Variants in SORCS1 observed in about 807,000 individuals in gnomAD.
SORCS1 encodes the protein VPS10 domain-containing receptor SorCS1.
Under a neutral mutation model 146.1 loss-of-function variants are expected in SORCS1, and 60 were observed. The observed-to-expected ratio is 0.41, with a 90% CI of 0.33 to 0.51. The LOEUF (loss-of-function observed/expected upper bound fraction) is 0.51, where lower values mean the gene tolerates loss of function less well. Ranked by LOEUF, SORCS1 falls within the 20% of genes least tolerant of loss-of-function variation. The probability of loss-of-function intolerance (pLI) is 0.21; values close to 1 mark genes in which losing one functional copy is unlikely to be tolerated. For synonymous variants in SORCS1, 637 were observed against 584.0 expected (o/e 1.09, Z -1.31); for missense variants, 1,352 against 1,487.6 (o/e 0.91, Z 1.50).
intron 21 of SORCS1, among the ~76,000 whole-genome samples, chr10:106,617,222 C>T (rs556415884): frequency 1.3e-5 from 2 of 151,916 alleles, no homozygotes; most frequent in African/African-American, 2.4e-5. Flanking sequence ...CCCAGTGCTG[C>T]GATTACAGAA....
intron 23 of SORCS1, among the ~76,000 whole-genome samples, chr10:106,606,424 T>C (rs545742313): frequency 6.6e-6 from 1 of 152,158 alleles, no homozygotes; most frequent in African/African-American, 2.4e-5. Context: ...ACAAATTAGA[T>C]CATCAAAGGA....
chr10:107,169,531 C>T (rs889825261), upstream of SORCS1, among the ~76,000 whole-genome samples: 9 of 152,186 alleles, frequency 5.9e-5, no homozygotes, highest in South Asian at 4.1e-4. Flanking sequence ...CTACCTAACT[C>T]ATAAGGATGT....
chr10:106,828,808 A>T (rs1405783404), intron 3 of SORCS1, among the ~76,000 whole-genome samples: 1 of 152,228 alleles, frequency 6.6e-6, no homozygotes, highest in Non-Finnish European at 1.5e-5. Flanking sequence ...TTCCTAAAAA[A>T]TGACATACCT....
intron 18 of SORCS1, among the ~76,000 whole-genome samples, chr10:106,651,543 A>T (rs1849864853): frequency 6.6e-6 from 1 of 152,204 alleles, no homozygotes; most frequent in Non-Finnish European, 1.5e-5. Context: ...CAGCAGAGGA[A>T]GTTGGAAGTC....
intron 1 of SORCS1, among the ~76,000 whole-genome samples, chr10:107,059,091 G>T (rs1960922842): frequency 6.6e-6 from 1 of 152,040 alleles, no homozygotes; most frequent in Admixed American, 6.6e-5. Flanking sequence ...TTGTTTCTAT[G>T]ATTAGTGTTC....
rs1955193891 is a variant in SORCS1, at chr10:106,960,928, T to TA, written c.559-4349dup. 6.6e-6 allele frequency among the ~76,000 whole-genome samples: 1 copy of TA among 152,182 alleles called. No individual in the cohort carries two copies. Among genetic ancestry groups the TA allele is most frequent in the Non-Finnish European group, 1.5e-5 (1 of 68,032 alleles). On this transcript the variant is annotated intron_variant, in intron 1 of 25. Transcript: ENST00000263054. The surrounding 1 kb of genome is among the most constrained non-coding windows in gnomAD (Gnocchi z 4.4). Reference sequence around the variant, plus strand: ...ATTAGTGACCCTTTGCTCAGGCCCTTACAAAGCTCCTACTGAATAATTCCA... The same window carrying TA: ...ATTAGTGACCCTTTGCTCAGGCCCTTAACAAAGCTCCTACTGAATAATTCCA...
chr10:106,646,324 A>G (rs960763505), intron 18 of SORCS1, among the ~76,000 whole-genome samples: 1 of 152,176 alleles, frequency 6.6e-6, no homozygotes, highest in Non-Finnish European at 1.5e-5. Flanking sequence ...TTTATACTAA[A>G]TGGGTTTTCT....
intron 2 of SORCS1, among the ~76,000 whole-genome samples, chr10:106,852,026 T>C (rs1280879158): frequency 6.6e-6 from 1 of 152,188 alleles, no homozygotes; most frequent in Non-Finnish European, 1.5e-5. Context: ...TACTTTTGTA[T>C]ATTAACCTTA....
chr10:106,760,710 AACACACACACACACAC>A (rs58948425), intron 5 of SORCS1, among the ~76,000 whole-genome samples: 45 of 148,684 alleles, frequency 3.0e-4, no homozygotes, highest in Admixed American at 2.6e-3. Flanking sequence ...CACACACACT[AACACACACACACACAC>A]ACACACACAC....
At chr10:106,780,431 G>C (rs1042992015) in intron 3 of SORCS1, among the ~76,000 whole-genome samples, 1 of 152,164 alleles carries the variant, frequency 6.6e-6, no homozygotes, top group African/African-American at 2.4e-5. Context: ...GCATGCCTTT[G>C]TAAAAGGCAT....
At chr10:106,631,559 A>G (rs1848442580) in intron 18 of SORCS1, among the ~76,000 whole-genome samples, 1 of 152,164 alleles carries the variant, frequency 6.6e-6, no homozygotes, top group Admixed American at 6.5e-5. Context: ...ATGGAATAAA[A>G]CAAGGAATGC....
intron 1 of SORCS1, among the ~76,000 whole-genome samples, chr10:107,130,071 A>C (rs1966851287): frequency 6.6e-6 from 1 of 152,164 alleles, no homozygotes; most frequent in Non-Finnish European, 1.5e-5. Flanking sequence ...AGGAAGAAAA[A>C]ATGTTTCACA....
intron 17 of SORCS1, among the ~76,000 whole-genome samples, chr10:106,653,511 G>A (rs906687211): frequency 3.3e-5 from 5 of 152,154 alleles, no homozygotes; most frequent in African/African-American, 1.2e-4. Flanking sequence ...AGGTTATGTA[G>A]ACTTTGTCAC....
intron 2 of SORCS1, among the ~76,000 whole-genome samples, chr10:106,950,428 A>G (rs1380708399): frequency 6.6e-6 from 1 of 152,160 alleles, no homozygotes; most frequent in Admixed American, 6.5e-5. Context: ...TCAGCTGCTA[A>G]AACTTGTAAA....
At position 106,989,271 on chromosome 10, in the gene SORCS1, GAAAAAA is replaced by G. The variant is rs1161174866; in HGVS notation, c.559-32697_559-32692del. ...GGTGTCAGTGAAAGGCTCCACCTCA[GAAAAAA>G]AAAAAAAAAAAAAAAAAAAAGAATA... On this transcript the variant is annotated intron_variant, in intron 1 of 25. Transcript: ENST00000263054. Among the ~76,000 whole-genome samples the G allele has an allele frequency of 1.4e-3, 107 of 75,674 alleles. 1 individual carries two copies. Among genetic ancestry groups the G allele is most frequent in the East Asian group, 2.2e-3 (5 of 2,282 alleles). The allele number at this position is 75,674 out of a possible 152,430, so 49.6% of individuals were successfully genotyped here. A position where few individuals can be genotyped will look rare whatever the true frequency, so the allele number is the denominator to read the frequency against.
chr10:106,993,290 C>T (rs981489073), intron 1 of SORCS1, among the ~76,000 whole-genome samples: 3 of 152,184 alleles, frequency 2.0e-5, no homozygotes, highest in African/African-American at 7.2e-5. Context: ...CAGTAGACTC[C>T]TCACTTGTTT....
At chr10:106,878,206 C>T (rs890351150) in intron 2 of SORCS1, among the ~76,000 whole-genome samples, 5 of 149,926 alleles carry the variant, frequency 3.3e-5, no homozygotes, top group Non-Finnish European at 5.9e-5. Context: ...AAAATTCCCT[C>T]ACCTTGCCAC....
At chr10:106,636,937 C>T (rs1848761574) in intron 18 of SORCS1, among the ~76,000 whole-genome samples, 1 of 152,156 alleles carries the variant, frequency 6.6e-6, no homozygotes, top group Admixed American at 6.5e-5. Context: ...TGTGTGAAAC[C>T]AAAGAACTTT....
intron 19 of SORCS1, among the ~76,000 whole-genome samples, chr10:106,626,573 G>C (rs930517375): frequency 3.3e-5 from 5 of 152,140 alleles, no homozygotes; most frequent in African/African-American, 1.2e-4. Flanking sequence ...TTATGTTCTT[G>C]TTCTGACTTG....
Sources: gnomAD v4.1 joint callset for allele counts (sites outside exome capture counted in the v4.1 genomes callset) on GRCh38, gnomAD v4.1.1 for gene constraint, Gnocchi (gnomAD v3.1) non-coding constraint, MANE v1.5 for transcripts, NCBI Gene and HGNC (gene_info 2026-07-23, HGNC 2026-07-21) for gene names.